The following NAA11 variants were observed in gnomAD, a reference collection of about 807,000 sequenced individuals.
The protein encoded by NAA11 is N-alpha-acetyltransferase 11, NatA catalytic subunit, also known as N-alpha-acetyltransferase 11.
NAA11 carries 15 observed loss-of-function variants against 16.1 expected under a neutral mutation model. That is an observed-to-expected ratio of 0.93 (90% CI 0.62 to 1.44). The LOEUF is 1.44. Ranked by LOEUF, NAA11 falls within the 40% of genes most tolerant of loss-of-function variation. The pLI is 0.00. For missense variants in NAA11, 298 were observed against 291.3 expected, an observed-to-expected ratio of 1.02 and a Z score of -0.17; for synonymous variants, 122 against 112.4, an observed-to-expected ratio of 1.09 and a Z score of -0.54.
chr4:79,162,023 T>G, the NAA11 span, among the ~76,000 whole-genome samples: 1 of 152,234 alleles, frequency 6.6e-6, no homozygotes, highest in African/African-American at 2.4e-5. Context: ...ATTTTGTAGT[T>G]TTTAGTATGC....
chr4:79,161,977 G>C, the NAA11 span, among the ~76,000 whole-genome samples: 6 of 152,082 alleles, frequency 3.9e-5, no homozygotes, highest in Non-Finnish European at 8.8e-5. Flanking sequence ...CACCACACCC[G>C]GCCTACTTAG....
chr4:79,222,899 C>T (rs1170327166), downstream of NAA11, among the ~76,000 whole-genome samples: 3 of 151,462 alleles, frequency 2.0e-5, no homozygotes, highest in Admixed American at 2.0e-4. Context: ...AAAAAATGCT[C>T]ATCATCACTG....
At chr4:79,199,365 C>T in the NAA11 span, among the ~76,000 whole-genome samples, 13 of 151,874 alleles carry the variant, frequency 8.6e-5, no homozygotes, top group African/African-American at 2.7e-4. Context: ...CGGAGGCAGA[C>T]GCACAGCAGT....
chr4:79,256,652 A>AATATATATATATTTATATATATT (rs1491290215), intron 2 of NAA11, among the ~76,000 whole-genome samples: 1 of 27,418 alleles, frequency 3.6e-5, no homozygotes, highest in Non-Finnish European at 1.0e-4. Context: ...ATAAATATAA[A>AATATATATATATTTATATATATT]TATATATATA....
the NAA11 span, among the ~76,000 whole-genome samples, chr4:79,207,367 T>A: frequency 6.0e-5 from 7 of 115,894 alleles, no homozygotes; most frequent in African/African-American, 2.3e-4. Flanking sequence ...TGAATGAGGT[T>A]AAAAAAAAAA....
chr4:79,296,643 A>T (rs1578184362), intron 1 of NAA11, among the ~76,000 whole-genome samples: 1 of 152,258 alleles, frequency 6.6e-6, no homozygotes, highest in East Asian at 1.9e-4. Context: ...CTTGCTCAAA[A>T]ATTGACCATG....
At chr4:79,181,074 G>A in the NAA11 span, among the ~76,000 whole-genome samples, 14 of 151,962 alleles carry the variant, frequency 9.2e-5, no homozygotes, top group South Asian at 6.2e-4. Flanking sequence ...ACACCGGGGC[G>A]TGTTGTAGGG....
At chr4:79,187,783 T>G in the NAA11 span, among the ~76,000 whole-genome samples, 1 of 151,868 alleles carries the variant, frequency 6.6e-6, no homozygotes, top group Non-Finnish European at 1.5e-5. Flanking sequence ...GATCACGAGG[T>G]CAGGAGATCG....
intron 2 of NAA11, among the ~76,000 whole-genome samples, chr4:79,240,483 A>G (rs1721667878): frequency 6.6e-6 from 1 of 152,166 alleles, no homozygotes; most frequent in Admixed American, 6.5e-5. Context: ...AGGATTGGCA[A>G]TGTTCTTCTC....
At chr4:79,269,170 A>C (rs1189512150) in intron 2 of NAA11, among the ~76,000 whole-genome samples, 1 of 146,718 alleles carries the variant, frequency 6.8e-6, no homozygotes, top group Non-Finnish European at 1.5e-5. Context: ...ATACGTGTGC[A>C]TGTGTCTTTA....
intron 1 of NAA11, among the ~76,000 whole-genome samples, chr4:79,309,717 T>TG (rs1293609446): frequency 1.5e-5 from 2 of 134,992 alleles, no homozygotes; most frequent in Non-Finnish European, 3.2e-5. Context: ...TTTTTTTCTT[T>TG]TTTTTTTTTT....
intron 2 of NAA11, among the ~76,000 whole-genome samples, chr4:79,228,466 C>T (rs934299021): frequency 6.6e-6 from 1 of 151,930 alleles, no homozygotes; most frequent in Non-Finnish European, 1.5e-5. Context: ...GTTTTAATAA[C>T]AATTTCTTTA....
At position 79,325,281 on chromosome 4, in the gene NAA11, G is replaced by C. The variant is rs145580127; in HGVS notation, c.597C>G (p.Thr199=). ...EEACQQKNPA[T]EESGSDSKEP... The stretch of plus-strand genomic sequence containing the variant: ...CTTTGCTGTCACTGCCACTTTCTTC[G>C]GTAGCCGGGTTCTTTTGCTGACAGG... Residue 199 remains threonine, a synonymous_variant, in exon 1 of 2, where the codon ACC becomes ACG. Coordinates refer to ENST00000286794, the MANE Select transcript of NAA11 (RefSeq NM_032693.3). The C allele has an allele frequency of 6.5e-4, 1,053 of 1,613,698 alleles. 5 individuals are homozygous for C. In the African/African-American group the frequency reaches 0.011, roughly 17 times the overall value.
At chr4:79,310,797 G>A (rs1342451306) in intron 1 of NAA11, among the ~76,000 whole-genome samples, 1 of 152,190 alleles carries the variant, frequency 6.6e-6, no homozygotes, top group Non-Finnish European at 1.5e-5. Context: ...CTTATTACCA[G>A]CTATAATGTA....
the NAA11 span, among the ~76,000 whole-genome samples, chr4:79,203,944 G>T: frequency 6.6e-6 from 1 of 151,780 alleles, no homozygotes; most frequent in Non-Finnish European, 1.5e-5. Flanking sequence ...AAATAGAAGT[G>T]CAAATTGGAA....
chr4:79,165,356 C>G, the NAA11 span, among the ~76,000 whole-genome samples: 1 of 152,188 alleles, frequency 6.6e-6, no homozygotes, highest in African/African-American at 2.4e-5. Flanking sequence ...CCTCCCATCC[C>G]CTCCACTCTA....
At chr4:79,300,389 C>T (rs1184767617) in intron 1 of NAA11, among the ~76,000 whole-genome samples, 2 of 151,462 alleles carry the variant, frequency 1.3e-5, no homozygotes, top group East Asian at 1.9e-4. Flanking sequence ...CAATATGGCC[C>T]CCCTACCCTG....
At chr4:79,243,794 A>G (rs1413420252) in intron 2 of NAA11, among the ~76,000 whole-genome samples, 1 of 152,234 alleles carries the variant, frequency 6.6e-6, no homozygotes, top group Non-Finnish European at 1.5e-5. Flanking sequence ...CAGGAAAGAA[A>G]GGAAAGTTAA....
chr4:79,224,581 A>C (rs1416153131), downstream of NAA11, among the ~76,000 whole-genome samples: 5 of 152,094 alleles, frequency 3.3e-5, no homozygotes, highest in African/African-American at 7.2e-5. Flanking sequence ...ATTTGCTGAG[A>C]AAGAGACAGG....
Sources: allele counts gnomAD v4.1 joint callset (sites outside exome capture counted in the v4.1 genomes callset), GRCh38; gene constraint gnomAD v4.1.1; transcripts MANE v1.5; gene names NCBI Gene and HGNC (gene_info 2026-07-23, HGNC 2026-07-21).